Variants in PTPRQ observed in about 807,000 individuals in gnomAD.
The protein encoded by PTPRQ is protein tyrosine phosphatase receptor type Q, also known as phosphatidylinositol phosphatase PTPRQ.
A neutral mutation model predicts 246.0 loss-of-function variants in PTPRQ; 199 were observed. That is an observed-to-expected ratio of 0.81 (90% CI 0.72 to 0.91). PTPRQ has a LOEUF of 0.91. Among genes scored for constraint, PTPRQ ranks in the 40% least tolerant of loss-of-function variants. PTPRQ has a pLI of 0.00. For missense variants in PTPRQ, 2,624 were observed against 2,528.4 expected, an observed-to-expected ratio of 1.04 and a Z score of -0.81; for synonymous variants, 869 against 853.2, an observed-to-expected ratio of 1.02 and a Z score of -0.32.
intron 6 of PTPRQ, among the ~76,000 whole-genome samples, chr12:80,463,934 C>G (rs1271093682): frequency 1.3e-5 from 2 of 151,648 alleles, no homozygotes; most frequent in East Asian, 3.9e-4. Context: ...TAAAGACCAT[C>G]GAGACTAAGA....
chr12:80,450,092 C>T (rs1023582614), intron 3 of PTPRQ, among the ~76,000 whole-genome samples: 5 of 152,090 alleles, frequency 3.3e-5, no homozygotes, highest in East Asian at 1.9e-4. Context: ...AGGTCCTTCA[C>T]GTCCCTTGTA....
At chr12:80,673,723 A>G (rs770748528) in intron 43 of PTPRQ, among the ~76,000 whole-genome samples, 5 of 152,274 alleles carry the variant, frequency 3.3e-5, no homozygotes, top group Non-Finnish European at 7.4e-5. Flanking sequence ...TTACTTCTCC[A>G]TATTTATCCC....
intron 6 of PTPRQ, among the ~76,000 whole-genome samples, chr12:80,461,786 AG>A (rs1402473553): frequency 2.0e-5 from 3 of 151,262 alleles, no homozygotes; most frequent in Admixed American, 2.0e-4. Flanking sequence ...ATAAGTTTGA[AG>A]TTTTTTTGTT....
chr12:80,534,130 G>A lies in PTPRQ; in HGVS notation c.2794G>A (p.Gly932Arg). The change falls in exon 18 of 45, where the codon GGG becomes AGG. Residue 932 changes from glycine to arginine, a missense_variant. Transcript: ENST00000644991. The stretch of plus-strand genomic sequence containing the variant: ...AACAGCTAGCACCAGATTTGGTGAT[G>A]GGAAAACAAGAAGCAATATCATTAG... The part of the protein sequence containing the change: ...YVTASTRFGD[G>R]KTRSNIISFQ... The A allele has an allele frequency of 6.5e-7, 1 of 1,541,554 alleles. No homozygotes were observed. The highest frequency in any genetic ancestry group is 8.8e-7 in the Non-Finnish European group (1 of 1,142,500).
intron 33 of PTPRQ, among the ~76,000 whole-genome samples, chr12:80,627,939 C>T (rs1178314449): frequency 6.6e-6 from 1 of 151,844 alleles, no homozygotes; most frequent in Non-Finnish European, 1.5e-5. Context: ...ATTCATGTGC[C>T]CAAAGGATTA....
At chr12:80,466,513 G>A (rs1308444535) in intron 6 of PTPRQ, among the ~76,000 whole-genome samples, 1 of 152,076 alleles carries the variant, frequency 6.6e-6, no homozygotes, top group Non-Finnish European at 1.5e-5. Flanking sequence ...CTACTTTAAA[G>A]TTCATATGGA....
At chr12:80,564,748 G>A (rs1896928756) in intron 25 of PTPRQ, among the ~76,000 whole-genome samples, 1 of 152,042 alleles carries the variant, frequency 6.6e-6, no homozygotes, top group African/African-American at 2.4e-5. Context: ...TTAATTATTT[G>A]CAAAACTATT....
At chr12:80,657,390 T>A (rs935621446) in intron 38 of PTPRQ, among the ~76,000 whole-genome samples, 4 of 151,844 alleles carry the variant, frequency 2.6e-5, no homozygotes, top group African/African-American at 9.7e-5. Flanking sequence ...ACACTTTGGT[T>A]CAGAGTATGA....
At chr12:80,449,019 T>C (rs1364998557) in intron 3 of PTPRQ, among the ~76,000 whole-genome samples, 1 of 151,754 alleles carries the variant, frequency 6.6e-6, no homozygotes, top group Non-Finnish European at 1.5e-5. Context: ...TATTTCTCCA[T>C]ATCCTCTCCA....
chr12:80,556,440 A>C (rs1169520589), intron 25 of PTPRQ, among the ~76,000 whole-genome samples: 1 of 152,216 alleles, frequency 6.6e-6, no homozygotes, highest in Non-Finnish European at 1.5e-5. Flanking sequence ...ATTGCTTTCT[A>C]TGGGAAGTTA....
At chr12:80,495,474 T>A in intron 12 of PTPRQ, 103 bp downstream of exon 12, 1 of 1,337,644 alleles carries the variant, frequency 7.5e-7, no homozygotes, top group Non-Finnish European at 9.7e-7. Context: ...ACAGAACACA[T>A]GCTATGTCAC....
intron 20 of PTPRQ, among the ~76,000 whole-genome samples, chr12:80,540,661 G>A (rs1896124787): frequency 6.6e-6 from 1 of 152,006 alleles, no homozygotes; most frequent in Admixed American, 6.6e-5. Context: ...GATTCCTTAA[G>A]CATGAGAAGT....
intron 8 of PTPRQ, among the ~76,000 whole-genome samples, chr12:80,477,962 C>T (rs1464836432): frequency 6.6e-6 from 1 of 152,222 alleles, no homozygotes; most frequent in Admixed American, 6.5e-5. Flanking sequence ...GAGGGGCGCC[C>T]GCCATTGCCC....
intron 43 of PTPRQ, among the ~76,000 whole-genome samples, chr12:80,677,926 G>T (rs890398665): frequency 6.6e-6 from 1 of 151,890 alleles, no homozygotes; most frequent in Non-Finnish European, 1.5e-5. Flanking sequence ...TTTTGATAAG[G>T]TCCAAACTCA....
At chr12:80,468,859 T>A (rs1263917762) in intron 7 of PTPRQ, 21 bp downstream of exon 7, 1 of 1,541,906 alleles carries the variant, frequency 6.5e-7, no homozygotes, top group Non-Finnish European at 8.7e-7. Context: ...ATTGGTTTTG[T>A]GTTTGCCTTT....
chr12:80,672,240 C>T (rs1248793600), intron 42 of PTPRQ, among the ~76,000 whole-genome samples: 3 of 151,646 alleles, frequency 2.0e-5, no homozygotes, highest in Non-Finnish European at 4.4e-5. Context: ...TTGTTCACTG[C>T]TATGATCCAG....
At position 80,549,467 on chromosome 12, in the gene PTPRQ, C is replaced by A; in HGVS notation, c.4018C>A (p.Pro1340Thr). 1.9e-6 allele frequency: 3 copies of A among 1,543,202 alleles called. No homozygotes were observed. The highest frequency in any genetic ancestry group is 2.6e-6 in the Non-Finnish European group (3 of 1,141,946). Reference protein sequence around the residue: ...VVKFTTQESVPDVVQNMQCMA... With the variant: ...VVKFTTQESVTDVVQNMQCMA... ...TGGGCATATGTTTATCTCTTAAGTTCCAGATGTCGTGCAGAATATGCAGTG... is the reference window on the plus strand; with the variant it reads ...TGGGCATATGTTTATCTCTTAAGTTACAGATGTCGTGCAGAATATGCAGTG... Residue 1340 changes from proline to threonine, a missense_variant and splice_region_variant, in exon 25 of 45, where the codon CCA (proline) becomes ACA (threonine). By Grantham distance (38) the Pro-to-Thr change is conservative (BLOSUM62 -1). Transcript: ENST00000644991.
At chr12:80,504,406 G>A (rs1401574382) in intron 14 of PTPRQ, among the ~76,000 whole-genome samples, 1 of 151,422 alleles carries the variant, frequency 6.6e-6, no homozygotes, top group Non-Finnish European at 1.5e-5. Context: ...ATAATTATTT[G>A]CTCATATTTT....
chr12:80,576,167 T>C (rs1897275623), intron 25 of PTPRQ, among the ~76,000 whole-genome samples: 1 of 151,950 alleles, frequency 6.6e-6, no homozygotes, highest in Non-Finnish European at 1.5e-5. Context: ...TGAGACGGAG[T>C]CTTGCTCTGT....
Sources: gnomAD v4.1 joint callset for allele counts (sites outside exome capture counted in the v4.1 genomes callset) on GRCh38, gnomAD v4.1.1 for gene constraint, MANE v1.5 for transcripts, NCBI Gene and HGNC (gene_info 2026-07-23, HGNC 2026-07-21) for gene names.